The following STOX2 variants were observed in gnomAD, a reference collection of about 807,000 sequenced individuals.
STOX2 encodes the protein storkhead-box protein 2.
Under a neutral mutation model 60.9 loss-of-function variants are expected in STOX2, and 28 were observed. The observed-to-expected ratio is 0.46, with a 90% CI of 0.34 to 0.63. The LOEUF (loss-of-function observed/expected upper bound fraction) is 0.63. Ranked by LOEUF, STOX2 falls within the 30% of genes least tolerant of loss-of-function variation. The probability of loss-of-function intolerance (pLI) is 0.01; values close to 1 mark genes in which losing one functional copy is unlikely to be tolerated. For missense variants in STOX2, 1,024 were observed against 1,187.7 expected, an observed-to-expected ratio of 0.86 and a Z score of 2.03; for synonymous variants, 472 against 463.9, an observed-to-expected ratio of 1.02 and a Z score of -0.22.
At chr4:183,884,435 C>T (rs1481907819) in intron 1 of STOX2, among the ~76,000 whole-genome samples, 2 of 151,778 alleles carry the variant, frequency 1.3e-5, no homozygotes, top group East Asian at 1.9e-4. Flanking sequence ...CTCAGGAGTT[C>T]GTGACCAGCT....
At chr4:183,978,463 A>G (rs1579496906) in intron 1 of STOX2, among the ~76,000 whole-genome samples, 1 of 152,130 alleles carries the variant, frequency 6.6e-6, no homozygotes, top group Non-Finnish European at 1.5e-5. Context: ...TGATTTATGT[A>G]TGTATTTTGG....
intron 1 of STOX2, among the ~76,000 whole-genome samples, chr4:183,917,564 GTATTTGGACA>G (rs1389239776): frequency 6.6e-6 from 1 of 152,216 alleles, no homozygotes; most frequent in East Asian, 1.9e-4. Flanking sequence ...ACTGAAAGAA[GTATTTGGACA>G]TATTTTCCCC....
chr4:183,846,318 AATGTGTAGATTC>A (rs1739989145), intron 1 of STOX2, among the ~76,000 whole-genome samples: 1 of 152,136 alleles, frequency 6.6e-6, no homozygotes, highest in Non-Finnish European at 1.5e-5. Flanking sequence ...GAGTTTGTTG[AATGTGTAGATTC>A]ATGCTTGGCC....
intron 1 of STOX2, among the ~76,000 whole-genome samples, chr4:183,946,151 A>G (rs1289960441): frequency 6.6e-6 from 1 of 152,230 alleles, no homozygotes; most frequent in Non-Finnish European, 1.5e-5. Context: ...TTTAATTCAG[A>G]TGACCTCTCA....
At chr4:183,962,920 G>A (rs559008261) in intron 1 of STOX2, among the ~76,000 whole-genome samples, 3 of 152,240 alleles carry the variant, frequency 2.0e-5, no homozygotes, top group Non-Finnish European at 2.9e-5. Flanking sequence ...TATAAAAGGG[G>A]GGTTATTAAG....
At chr4:183,818,778 A>C (rs1442550103) in intron 1 of STOX2, among the ~76,000 whole-genome samples, 1 of 148,102 alleles carries the variant, frequency 6.8e-6, no homozygotes, top group East Asian at 2.0e-4. Context: ...GACGCTCCCC[A>C]CCTCCCAGAC....
chr4:183,999,872 A>C (rs921757843), intron 1 of STOX2, among the ~76,000 whole-genome samples: 6 of 151,796 alleles, frequency 4.0e-5, no homozygotes, highest in Non-Finnish European at 7.4e-5. Flanking sequence ...GCAGCCAGAC[A>C]CCTTGTCGGG....
intron 1 of STOX2, among the ~76,000 whole-genome samples, chr4:183,980,078 CAA>C (rs1560916866): frequency 6.6e-6 from 1 of 152,072 alleles, no homozygotes; most frequent in South Asian, 2.1e-4. Context: ...TCTTAGAAAA[CAA>C]ATTATGTTAT....
At chr4:183,842,718 C>T (rs558115456) in intron 1 of STOX2, among the ~76,000 whole-genome samples, 20 of 152,174 alleles carry the variant, frequency 1.3e-4, no homozygotes, top group African/African-American at 4.8e-4. Flanking sequence ...GTTTTCAGTC[C>T]GGTTTTGTGT....
At chr4:183,851,731 G>A (rs1740145060) in intron 1 of STOX2, among the ~76,000 whole-genome samples, 6 of 120,104 alleles carry the variant, frequency 5.0e-5, no homozygotes, top group Admixed American at 4.6e-4. Flanking sequence ...GAAAGGATGA[G>A]GGAAAGGATG....
chr4:183,992,475 C>T (rs1733153831), intron 1 of STOX2, among the ~76,000 whole-genome samples: 1 of 152,154 alleles, frequency 6.6e-6, no homozygotes, highest in Non-Finnish European at 1.5e-5. Flanking sequence ...TAGTGTTAGG[C>T]CAGGTTATGC....
chr4:184,010,916 A>G lies in STOX2; in HGVS notation c.2078A>G (p.Lys693Arg). 1 of 1,613,364 alleles carries G rather than the reference A, an allele frequency of 6.2e-7. No homozygotes were observed. The highest frequency in any genetic ancestry group is 8.5e-7 in the Non-Finnish European group (1 of 1,179,572). Residue 693 changes from lysine to arginine, a missense_variant, in exon 3 of 4, where the codon AAG becomes AGG. Around this residue, in one of 3 missense-constraint regions of STOX2, gnomAD observed 922 missense variants for 1,058.3 expected, o/e 0.87. Transcript: ENST00000308497. This position sits in a 1 kb window ranked among gnomAD's most constrained non-coding sequence, Gnocchi z 4.5. ...HHGAEPSSLDKRKEIFSKDTL... is the reference protein window; with the variant it reads ...HHGAEPSSLDRRKEIFSKDTL... The stretch of plus-strand genomic sequence containing the variant: ...GGTGCCGAGCCCAGCAGCTTGGACA[A>G]GAGGAAAGAGATATTTAGCAAAGAC...
At chr4:183,824,954 G>A (rs1363386121) in intron 1 of STOX2, among the ~76,000 whole-genome samples, 2 of 152,220 alleles carry the variant, frequency 1.3e-5, no homozygotes, top group Admixed American at 1.3e-4. Context: ...GGACTACTAA[G>A]TGTGCAATCA....
chr4:183,874,816 C>T (rs1288087295), intron 1 of STOX2, among the ~76,000 whole-genome samples: 4 of 146,758 alleles, frequency 2.7e-5, no homozygotes, highest in South Asian at 2.2e-4. Flanking sequence ...GTCCCAGCTA[C>T]GCGGGAGGCT....
intron 1 of STOX2, among the ~76,000 whole-genome samples, chr4:183,911,170 G>T (rs1741769561): frequency 6.6e-6 from 1 of 151,948 alleles, no homozygotes; most frequent in Non-Finnish European, 1.5e-5. Context: ...AAACTTCTCT[G>T]CCCTCTTCTA....
At chr4:183,844,230 C>T (rs748920226) in intron 1 of STOX2, among the ~76,000 whole-genome samples, 1 of 152,092 alleles carries the variant, frequency 6.6e-6, no homozygotes, top group Admixed American at 6.5e-5. Flanking sequence ...TTGGAGAGTT[C>T]CCATGTTCCG....
intron 1 of STOX2, among the ~76,000 whole-genome samples, chr4:183,818,798 G>C (rs1739222302): frequency 6.6e-6 from 1 of 151,734 alleles, no homozygotes; most frequent in Non-Finnish European, 1.5e-5. Flanking sequence ...CGGGGTGGCT[G>C]CCGGGCGGAG....
At position 183,798,077 on chromosome 4, in the gene STOX2, C is replaced by T. The variant is rs910943920; in HGVS notation, c.364+22C>T. 29 of 1,226,044 alleles carry T rather than the reference C, an allele frequency of 2.4e-5. No individual in the cohort carries two copies. The African/African-American group carries it at 3.9e-4, about 16-fold the overall frequency. 75.9% of individuals were successfully genotyped at this position (1,226,044 alleles called of 1,614,324 possible). A position where few individuals can be genotyped will look rare whatever the true frequency, so the allele number is the denominator to read the frequency against. The stretch of plus-strand genomic sequence containing the variant: ...CTGGGTGAGTGCGACCGCCGCGCGC[C>T]CGTCCCGTCCCTTCCCACCGGATCG... On this transcript the variant is annotated intron_variant, in intron 1 of 2. Transcript: ENST00000513034.
chr4:183,991,382 A>G (rs1733096551), intron 1 of STOX2, among the ~76,000 whole-genome samples: 1 of 152,216 alleles, frequency 6.6e-6, no homozygotes, highest in Admixed American at 6.5e-5. Context: ...GTAGAAATTC[A>G]AACACTGTAA....
Sources: gnomAD v4.1 joint callset for allele counts (sites outside exome capture counted in the v4.1 genomes callset) on GRCh38, gnomAD v4.1.1 for gene constraint, gnomAD v4.1.1 regional missense constraint, Gnocchi (gnomAD v3.1) non-coding constraint, MANE v1.5 for transcripts, NCBI Gene and HGNC (gene_info 2026-07-23, HGNC 2026-07-21) for gene names.